Variants in HYDIN observed in about 807,000 individuals in gnomAD.
HYDIN encodes the protein axonemal central pair apparatus protein HYDIN.
In HYDIN, 132 loss-of-function variants were observed where a neutral mutation model predicts 403.9. The observed-to-expected ratio is 0.33, with a 90% CI of 0.28 to 0.38. HYDIN has a LOEUF of 0.38. HYDIN is among the 10% of genes least tolerant of loss of function. The pLI is 1.00. For missense variants in HYDIN, 2,827 were observed against 5,009.5 expected, an observed-to-expected ratio of 0.56 and a Z score of 13.15; for synonymous variants, 1,202 against 1,891.7, an observed-to-expected ratio of 0.64 and a Z score of 9.46.
intron 5 of HYDIN, among the ~76,000 whole-genome samples, chr16:71,171,490 G>A (rs1447640382): frequency 1.3e-5 from 2 of 152,160 alleles, no homozygotes; most frequent in Admixed American, 6.5e-5. Context: ...TCAGAAAACT[G>A]GGCCTGGCAC....
At chr16:71,179,212 G>C (rs1267461588) in intron 3 of HYDIN, among the ~76,000 whole-genome samples, 165 bp from the exon 4 acceptor site, 1 of 151,772 alleles carries the variant, frequency 6.6e-6, no homozygotes, top group Non-Finnish European at 1.5e-5. Context: ...CTAAAACACA[G>C]GACAAAAGAA....
intron 41 of HYDIN, among the ~76,000 whole-genome samples, chr16:70,948,520 A>G (rs1047971250): frequency 5.0e-4 from 76 of 151,472 alleles, no homozygotes; most frequent in Non-Finnish European, 9.9e-4. Context: ...GTGAACAGGC[A>G]ACCTACAAAA....
At chr16:71,020,104 C>T in intron 22 of HYDIN, 70 bp downstream of exon 22, 1 of 1,496,404 alleles carries the variant, frequency 6.7e-7, no homozygotes, top group Non-Finnish European at 9.1e-7. Context: ...TGTATCATTA[C>T]TCTTCTCTTC....
chr16:71,218,033 T>C (rs906882131), intron 1 of HYDIN, among the ~76,000 whole-genome samples: 1 of 152,172 alleles, frequency 6.6e-6, no homozygotes, highest in African/African-American at 2.4e-5. Flanking sequence ...TTCTTTTGAT[T>C]ACAAACTCTG....
At chr16:70,885,608 T>C (rs1403090098) in intron 58 of HYDIN, among the ~76,000 whole-genome samples, 6 of 151,480 alleles carry the variant, frequency 4.0e-5, no homozygotes, top group Non-Finnish European at 8.9e-5. Flanking sequence ...TTTCTTGTGA[T>C]GTAAGATCCA....
intron 77 of HYDIN, among the ~76,000 whole-genome samples, chr16:70,836,486 G>A (rs2037433612): frequency 6.6e-6 from 1 of 152,244 alleles, no homozygotes; most frequent in Non-Finnish European, 1.5e-5. Context: ...AAGAAAGCAG[G>A]AGGGAGAGAT....
chr16:71,177,570 C>T (rs915607691), intron 4 of HYDIN, among the ~76,000 whole-genome samples: 2 of 152,204 alleles, frequency 1.3e-5, no homozygotes, highest in Admixed American at 6.5e-5. Flanking sequence ...TGCAAGGCAT[C>T]GCTGATTCCC....
At chr16:71,152,148 T>G (rs1396119287) in intron 7 of HYDIN, among the ~76,000 whole-genome samples, 3 of 150,440 alleles carry the variant, frequency 2.0e-5, no homozygotes, top group African/African-American at 7.3e-5. Context: ...CCTTCCTGAG[T>G]CCTGTATTCC....
chr16:71,230,701 T>A lies in HYDIN; in HGVS notation c.-163A>T, dbSNP rs1356127651. On this transcript the variant is annotated 5_prime_UTR_variant, in exon 1 of 86. Coordinates refer to ENST00000393567, the MANE Select transcript of HYDIN (RefSeq NM_001270974.2). ...CGCACTCTCCATGCGCCGCCCGAGC[T>A]GTTGCCGTCCGTTGCCACGGTAACC... 3 of 1,536,006 alleles carry A rather than the reference T, an allele frequency of 2.0e-6. No homozygotes were observed. Among genetic ancestry groups the A allele is most frequent in the South Asian group, 2.4e-5 (2 of 84,044 alleles).
Position 70,920,851 on chromosome 16 carries a change from T to G in HYDIN, c.7525A>C (p.Lys2509Gln). ...TCCAGGCGCTCTCTCTCCCGGTCCT[T>G]GCGGCCCCTGCGCCCACCCAAGGGG... ...QVPLGGRRGR[K>Q]DRERERLEKE... is the part of the protein sequence containing the mutation. Residue 2509 changes from lysine to glutamine, a missense_variant, in exon 46 of 86, where the codon AAG (lysine) becomes CAG (glutamine). Lys to Gln is a moderately conservative substitution (Grantham distance 53). Coordinates refer to ENST00000393567, the MANE Select transcript of HYDIN (RefSeq NM_001270974.2). 1 of 1,592,608 alleles carries G rather than the reference T, an allele frequency of 6.3e-7. No homozygotes were observed. Among genetic ancestry groups the G allele is most frequent in the Non-Finnish European group, 8.6e-7 (1 of 1,168,694 alleles).
chr16:71,093,680 C>T, intron 11 of HYDIN, 137 bp downstream of exon 11: 1 of 661,206 alleles, frequency 1.5e-6, no homozygotes, highest in African/African-American at 1.9e-5. Flanking sequence ...CTGAGCACTC[C>T]AGGGTCTCAA....
chr16:71,094,426 G>C (rs2083210934), intron 10 of HYDIN, among the ~76,000 whole-genome samples: 1 of 152,108 alleles, frequency 6.6e-6, no homozygotes, highest in East Asian at 1.9e-4. Context: ...AAGTACAAAT[G>C]CATGTCATTA....
chr16:70,949,894 C>G (rs542971814), intron 41 of HYDIN, among the ~76,000 whole-genome samples: 209 of 152,354 alleles, frequency 1.4e-3, no homozygotes, highest in Middle Eastern at 3.4e-3. Flanking sequence ...TCCAGATGGA[C>G]AGAACAAAAC....
At chr16:71,071,950 G>A (rs1597711771) in intron 13 of HYDIN, among the ~76,000 whole-genome samples, 2 of 152,158 alleles carry the variant, frequency 1.3e-5, no homozygotes, top group South Asian at 4.1e-4. Context: ...CGTGTTGGCA[G>A]ATCATTATGC....
At chr16:71,135,281 G>A (rs1030333532) in intron 8 of HYDIN, among the ~76,000 whole-genome samples, 4 of 151,872 alleles carry the variant, frequency 2.6e-5, no homozygotes, top group African/African-American at 9.7e-5. Context: ...AAGAGATAGG[G>A]GTGTGAGTGT....
rs577536504 is a variant in HYDIN at position 71,116,495 on chromosome 16, G to T, written c.1228-700C>A. On this transcript the variant is annotated intron_variant, in intron 9 of 85. Coordinates refer to ENST00000393567, the MANE Select transcript of HYDIN (RefSeq NM_001270974.2). Reference sequence around the variant, plus strand: ...GAATAATGCTGCAATGAACATGGGGGTGCAGAGCTCTCTTCGAGATCCTGA... The same window carrying T: ...GAATAATGCTGCAATGAACATGGGGTTGCAGAGCTCTCTTCGAGATCCTGA... Among the ~76,000 whole-genome samples, 9 of 152,040 alleles carry T rather than the reference G, an allele frequency of 5.9e-5. No individual in the cohort carries two copies. The East Asian group carries it at 7.7e-4, about 13-fold the overall frequency.
Position 70,985,625 on chromosome 16 carries a change from A to G in HYDIN, c.4195-303T>C, listed in dbSNP as rs1045278445. Among the ~76,000 whole-genome samples the G allele has an allele frequency of 2.8e-4, 42 of 150,618 alleles. 1 individual carries two copies. The highest frequency in any genetic ancestry group is 9.9e-4 in the Admixed American group (15 of 15,130). On this transcript the variant is annotated intron_variant, in intron 27 of 85. Coordinates refer to ENST00000393567, the MANE Select transcript of HYDIN (RefSeq NM_001270974.2). Reference sequence around the variant, plus strand: ...GAGAATCTTAAAGTAAGCTTTCTACATTAAAAAGATTTGCCTAGTATTCCA... The same window carrying G: ...GAGAATCTTAAAGTAAGCTTTCTACGTTAAAAAGATTTGCCTAGTATTCCA...
intron 74 of HYDIN, among the ~76,000 whole-genome samples, 163 bp downstream of exon 74, chr16:70,850,285 A>G (rs568172470): frequency 6.8e-6 from 1 of 147,500 alleles, no homozygotes; most frequent in East Asian, 1.9e-4. Flanking sequence ...CATTCACATC[A>G]TATCTACATA....
At chr16:71,058,455 A>AG (rs2081972578) in intron 18 of HYDIN, among the ~76,000 whole-genome samples, 1 of 62,468 alleles carries the variant, frequency 1.6e-5, no homozygotes, top group Non-Finnish European at 3.0e-5. Context: ...GGGTGGGGGG[A>AG]GGGGGGAGGG....
Sources: gnomAD v4.1 joint callset for allele counts (sites outside exome capture counted in the v4.1 genomes callset) on GRCh38, gnomAD v4.1.1 for gene constraint, MANE v1.5 for transcripts, NCBI Gene and HGNC (gene_info 2026-07-23, HGNC 2026-07-21) for gene names.